HPSE2: variants seen among roughly 807,000 people sequenced by gnomAD.
HPSE2 encodes heparanase 2 (inactive).
In HPSE2, 38 loss-of-function variants were observed where a neutral mutation model predicts 60.5. The ratio of observed to expected loss-of-function variants is 0.63; its 90% confidence interval spans 0.48 to 0.82. The LOEUF (loss-of-function observed/expected upper bound fraction) is 0.82, where lower values mean the gene tolerates loss of function less well. Among genes scored for constraint, HPSE2 ranks in the 40% least tolerant of loss-of-function variants. The pLI is 0.00. For synonymous variants in HPSE2, 295 were observed against 293.2 expected, an observed-to-expected ratio of 1.01 and a Z score of -0.06; for missense variants, 713 against 740.4, an observed-to-expected ratio of 0.96 and a Z score of 0.43.
chr10:98,876,490 G>T (rs1161429964), intron 3 of HPSE2, among the ~76,000 whole-genome samples: 1 of 151,866 alleles, frequency 6.6e-6, no homozygotes, highest in African/African-American at 2.4e-5. Flanking sequence ...ATAAATATTT[G>T]TTGAATGATG....
chr10:99,094,449 T>C (rs953364386), intron 3 of HPSE2, among the ~76,000 whole-genome samples: 2 of 147,010 alleles, frequency 1.4e-5, no homozygotes, highest in African/African-American at 5.0e-5. Context: ...ACTTGCTCTA[T>C]GTTGAACTGA....
intron 9 of HPSE2, among the ~76,000 whole-genome samples, chr10:98,610,245 A>G (rs526465): frequency 0.2 from 29,885 of 151,984 alleles, 3,171 homozygotes; most frequent in African/African-American, 0.27. Flanking sequence ...TCCACACCAT[A>G]GCTTGGCAGT....
chr10:98,519,759 A>G (rs1182448435), intron 9 of HPSE2, among the ~76,000 whole-genome samples: 1 of 152,222 alleles, frequency 6.6e-6, no homozygotes. Flanking sequence ...AACCAGCCAC[A>G]GAGACATTTT....
intron 9 of HPSE2, among the ~76,000 whole-genome samples, chr10:98,532,434 A>G (rs1239900685): frequency 6.6e-6 from 1 of 152,194 alleles, no homozygotes; most frequent in Non-Finnish European, 1.5e-5. Context: ...CCATACCTTA[A>G]GCACCCTTTG....
intron 6 of HPSE2, among the ~76,000 whole-genome samples, chr10:98,668,954 A>T (rs1452100162): frequency 1.3e-5 from 2 of 152,194 alleles, no homozygotes; most frequent in African/African-American, 4.8e-5. Flanking sequence ...TTAACAATGG[A>T]GTAAATAGCC....
At chr10:98,732,695 GA>G (rs1270459380) in intron 4 of HPSE2, among the ~76,000 whole-genome samples, 1 of 151,910 alleles carries the variant, frequency 6.6e-6, no homozygotes, top group South Asian at 2.1e-4. Flanking sequence ...GAAAATATAG[GA>G]AAAAACTCCT....
chr10:98,707,580 G>T (rs916799453), intron 5 of HPSE2, among the ~76,000 whole-genome samples: 31 of 152,186 alleles, frequency 2.0e-4, no homozygotes, highest in African/African-American at 7.2e-4. Context: ...TTAAAGTACT[G>T]TTATTGTATT....
intron 3 of HPSE2, among the ~76,000 whole-genome samples, chr10:99,110,005 T>G (rs1160664195): frequency 6.6e-6 from 1 of 152,166 alleles, no homozygotes; most frequent in Non-Finnish European, 1.5e-5. Flanking sequence ...CAACTTGTTC[T>G]CCAGAAATTA....
At chr10:99,238,235 A>G (rs935190773), upstream of HPSE2, among the ~76,000 whole-genome samples, 3 of 152,228 alleles carry the variant, frequency 2.0e-5, no homozygotes, top group Admixed American at 1.3e-4. Flanking sequence ...GACCAATGGA[A>G]GACAATTTGA....
intron 11 of HPSE2, among the ~76,000 whole-genome samples, chr10:98,470,712 T>G (rs1940743633): frequency 6.6e-6 from 1 of 152,224 alleles, no homozygotes; most frequent in South Asian, 2.1e-4. Context: ...CTACCCTAAC[T>G]TGCCCATTTA....
intron 3 of HPSE2, among the ~76,000 whole-genome samples, chr10:98,807,384 T>G (rs886886700): frequency 6.6e-6 from 1 of 152,236 alleles, no homozygotes; most frequent in Non-Finnish European, 1.5e-5. Context: ...TCTTACTCTT[T>G]AAATCAGACA....
chr10:98,943,234 T>G (rs1186982451), intron 3 of HPSE2, among the ~76,000 whole-genome samples: 2 of 150,344 alleles, frequency 1.3e-5, no homozygotes, highest in African/African-American at 2.4e-5. Context: ...AGTATAATAA[T>G]AATACAATAA....
intron 9 of HPSE2, among the ~76,000 whole-genome samples, chr10:98,594,024 CAAAT>C (rs995022153): frequency 7.2e-5 from 11 of 151,794 alleles, no homozygotes; most frequent in Non-Finnish European, 1.3e-4. Flanking sequence ...TTTAAATTGA[CAAAT>C]AAAAATTATA....
chr10:98,514,782 G>A (rs1215739819), intron 9 of HPSE2, among the ~76,000 whole-genome samples: 2 of 137,926 alleles, frequency 1.5e-5, no homozygotes, highest in African/African-American at 5.4e-5. Context: ...GCAGTGGTGC[G>A]ATCTCAGCTC....
intron 3 of HPSE2, among the ~76,000 whole-genome samples, chr10:99,133,064 C>T (rs957251612): frequency 6.6e-6 from 1 of 152,140 alleles, no homozygotes; most frequent in Non-Finnish European, 1.5e-5. Context: ...AGGTGAGGGG[C>T]GTCTACCATT....
chr10:98,690,243 A>G (rs1174687696), intron 6 of HPSE2, among the ~76,000 whole-genome samples: 1 of 152,192 alleles, frequency 6.6e-6, no homozygotes, highest in African/African-American at 2.4e-5. Context: ...ATGAATTGTT[A>G]AATAACTACA....
At chr10:99,176,273 T>C (rs957020945) in intron 2 of HPSE2, among the ~76,000 whole-genome samples, 8 of 152,128 alleles carry the variant, frequency 5.3e-5, no homozygotes, top group Admixed American at 2.0e-4. Flanking sequence ...AGAATGAGTT[T>C]GACAAACTGA....
intron 5 of HPSE2, among the ~76,000 whole-genome samples, chr10:98,700,190 A>C (rs1015615772): frequency 6.6e-6 from 1 of 151,960 alleles, no homozygotes; most frequent in Non-Finnish European, 1.5e-5. Context: ...CACCAAGTCA[A>C]TCCTAAGCCA....
intron 3 of HPSE2, among the ~76,000 whole-genome samples, chr10:99,132,197 G>GAA (rs1469649712): frequency 2.4e-3 from 38 of 16,160 alleles, no homozygotes; most frequent in African/African-American, 4.3e-3. Flanking sequence ...AAGAAAGAGA[G>GAA]AGAGAGAGAG....
Sources: gnomAD v4.1 joint callset for allele counts (sites outside exome capture counted in the v4.1 genomes callset) on GRCh38, gnomAD v4.1.1 for gene constraint, MANE v1.5 for transcripts, NCBI Gene and HGNC (gene_info 2026-07-23, HGNC 2026-07-21) for gene names.